Variants in SDC2 observed in about 807,000 individuals in gnomAD.
SDC2 encodes syndecan-2.
A neutral mutation model predicts 22.2 loss-of-function variants in SDC2; 13 were observed. The observed-to-expected ratio is 0.59, with a 90% CI of 0.38 to 0.93. The LOEUF (loss-of-function observed/expected upper bound fraction) is 0.93, where lower values mean the gene tolerates loss of function less well. SDC2 is among the 40% of genes least tolerant of loss of function. The pLI, the probability that SDC2 is intolerant of heterozygous loss-of-function variation, is 0.00. For synonymous variants in SDC2, 94 were observed against 92.8 expected, an observed-to-expected ratio of 1.01 and a Z score of -0.07; for missense variants, 235 against 246.8, an observed-to-expected ratio of 0.95 and a Z score of 0.32.
At chr8:96,535,695 T>G (rs1213142982) in intron 1 of SDC2, among the ~76,000 whole-genome samples, 1 of 152,230 alleles carries the variant, frequency 6.6e-6, no homozygotes, top group Non-Finnish European at 1.5e-5. Flanking sequence ...GAATGTCAAC[T>G]CTGGAAGTAG....
chr8:96,506,454 A>G (rs530223545), intron 1 of SDC2, among the ~76,000 whole-genome samples: 49 of 151,066 alleles, frequency 3.2e-4, no homozygotes, highest in Middle Eastern at 3.4e-3. Context: ...CACATCATAT[A>G]TTATATACAT....
intron 1 of SDC2, among the ~76,000 whole-genome samples, chr8:96,548,091 G>T (rs1379460659): frequency 6.6e-6 from 1 of 152,124 alleles, no homozygotes; most frequent in Non-Finnish European, 1.5e-5. Flanking sequence ...CCCCTTGATG[G>T]CAGCTTTTGT....
intron 1 of SDC2, among the ~76,000 whole-genome samples, chr8:96,556,428 A>G (rs963800936): frequency 6.6e-6 from 1 of 151,990 alleles, no homozygotes; most frequent in Non-Finnish European, 1.5e-5. Context: ...AAACAGAGAT[A>G]TAGATCAATG....
intron 1 of SDC2, among the ~76,000 whole-genome samples, chr8:96,513,301 A>G (rs1175306681): frequency 6.6e-6 from 1 of 152,224 alleles, no homozygotes; most frequent in Non-Finnish European, 1.5e-5. Flanking sequence ...TTCCATTAAT[A>G]AGATTTACCC....
At chr8:96,529,222 T>C (rs1391290921) in intron 1 of SDC2, 1 of 152,216 alleles carries the variant, frequency 6.6e-6, no homozygotes, top group Non-Finnish European at 1.5e-5. Context: ...GAGGAGATAA[T>C]TTTGGACATC....
intron 2 of SDC2, among the ~76,000 whole-genome samples, chr8:96,595,231 T>C (rs971094012): frequency 3.3e-5 from 5 of 152,202 alleles, no homozygotes; most frequent in Non-Finnish European, 5.9e-5. Flanking sequence ...TGAGCTGGGC[T>C]TCAGAATGAC....
intron 1 of SDC2, among the ~76,000 whole-genome samples, chr8:96,555,505 A>G (rs1434753610): frequency 6.6e-6 from 1 of 152,170 alleles, no homozygotes; most frequent in Non-Finnish European, 1.5e-5. Flanking sequence ...ATCAAGCATG[A>G]TTCAAGTAGT....
At chr8:96,585,948 A>G (rs1022145227) in intron 1 of SDC2, among the ~76,000 whole-genome samples, 10 of 149,380 alleles carry the variant, frequency 6.7e-5, no homozygotes, top group African/African-American at 2.5e-4. Context: ...TTTTACTTGG[A>G]GCTTTGTTGG....
At chr8:96,520,858 A>G (rs1394376418) in intron 1 of SDC2, among the ~76,000 whole-genome samples, 1 of 152,174 alleles carries the variant, frequency 6.6e-6, no homozygotes, top group Non-Finnish European at 1.5e-5. Context: ...TGTCTTCTAA[A>G]CAAAGGACTT....
At chr8:96,552,865 TTATCTTGAAG>T (rs1402363678) in intron 1 of SDC2, among the ~76,000 whole-genome samples, 4 of 152,230 alleles carry the variant, frequency 2.6e-5, no homozygotes, top group African/African-American at 9.6e-5. Context: ...TTCCTCTGAA[TTATCTTGAAG>T]TATCTTCTTA....
At chr8:96,563,528 A>T (rs1179184033) in intron 1 of SDC2, among the ~76,000 whole-genome samples, 2 of 152,172 alleles carry the variant, frequency 1.3e-5, no homozygotes, top group Non-Finnish European at 2.9e-5. Context: ...TTAGGAATGT[A>T]TCAGACTCCA....
intron 1 of SDC2, among the ~76,000 whole-genome samples, chr8:96,520,725 G>GA (rs919002670): frequency 2.0e-5 from 3 of 152,208 alleles, no homozygotes; most frequent in African/African-American, 7.2e-5. Context: ...CACTGTGAGA[G>GA]AAAGAGGAGG....
chr8:96,539,570 A>G (rs1371322906), intron 1 of SDC2, among the ~76,000 whole-genome samples: 1 of 152,268 alleles, frequency 6.6e-6, no homozygotes, highest in Non-Finnish European at 1.5e-5. Flanking sequence ...AGTATAGTAC[A>G]TATTTGCTTG....
At chr8:96,518,368 T>G (rs921439767) in intron 1 of SDC2, among the ~76,000 whole-genome samples, 5 of 151,122 alleles carry the variant, frequency 3.3e-5, no homozygotes, top group Non-Finnish European at 4.4e-5. Context: ...GAGGTTTTTT[T>G]TTTTTTTTTT....
In SDC2 at chr8:96,537,699, T is replaced by A. The variant is rs189899976; in HGVS notation, c.60+43368T>A. ...TTACTGGTTTCGGATGCTATTTTAA[T>A]GAGTATTTTGTTTATATTTTGTAGG... On this transcript the variant is annotated intron_variant, in intron 1 of 4. Transcript: ENST00000302190. 1.7e-4 allele frequency among the ~76,000 whole-genome samples: 26 copies of A among 152,366 alleles called. 1 individual carries two copies. Among genetic ancestry groups the A allele is most frequent in the African/African-American group, 6.3e-4 (26 of 41,592 alleles).
At chr8:96,531,795 T>C (rs1351682014) in intron 1 of SDC2, among the ~76,000 whole-genome samples, 1 of 152,238 alleles carries the variant, frequency 6.6e-6, no homozygotes, top group East Asian at 1.9e-4. Context: ...TCACTGATTC[T>C]AGTGTAATGA....
intron 1 of SDC2, among the ~76,000 whole-genome samples, chr8:96,505,595 C>T (rs567476137): frequency 3.7e-4 from 56 of 152,268 alleles, no homozygotes; most frequent in Admixed American, 3.9e-4. Flanking sequence ...CCACCGCGCC[C>T]GGCCTGGAAC....
rs561816003 is a variant in SDC2, at chr8:96,592,478, G to A, written c.61-1002G>A. On this transcript the variant is annotated intron_variant, in intron 1 of 4. Coordinates refer to ENST00000302190, the MANE Select transcript of SDC2 (RefSeq NM_002998.4). ...GAGTGTTGCCTGTTTCCAAACAAGC[G>A]TTGTTTAAAAGCTGCCTGTCTGCTT... 1.6e-4 allele frequency among the ~76,000 whole-genome samples: 24 copies of A among 152,276 alleles called. No homozygotes were observed. In the East Asian group the frequency reaches 2.7e-3, roughly 17 times the overall value.
chr8:96,506,053 T>C (rs1011324898), intron 1 of SDC2, among the ~76,000 whole-genome samples: 9 of 152,210 alleles, frequency 5.9e-5, no homozygotes, highest in Non-Finnish European at 1.3e-4. Flanking sequence ...AAGAACCCCT[T>C]GTAGAAGAGA....
Sources: gnomAD v4.1 joint callset for allele counts (sites outside exome capture counted in the v4.1 genomes callset) on GRCh38, gnomAD v4.1.1 for gene constraint, MANE v1.5 for transcripts, NCBI Gene and HGNC (gene_info 2026-07-23, HGNC 2026-07-21) for gene names.